Variants in IGSF21 observed in about 807,000 individuals in gnomAD.
IGSF21 encodes the protein immunoglobulin superfamily member 21.
In IGSF21, 28 loss-of-function variants were observed where a neutral mutation model predicts 46.8. That is an observed-to-expected ratio of 0.60 (90% CI 0.44 to 0.82). IGSF21 has a LOEUF of 0.82. Ranked by LOEUF, IGSF21 falls within the 40% of genes least tolerant of loss-of-function variation. IGSF21 has a pLI of 0.00. For synonymous variants in IGSF21, 284 were observed against 273.6 expected (o/e 1.04, Z -0.38); for missense variants, 624 against 665.5 (o/e 0.94, Z 0.69).
At chr1:18,125,038 T>G (rs1284058845) in intron 1 of IGSF21, among the ~76,000 whole-genome samples, 1 of 151,984 alleles carries the variant, frequency 6.6e-6, no homozygotes, top group Non-Finnish European at 1.5e-5. Context: ...AGAGAGAAAC[T>G]ACTGTGCAAC....
chr1:18,313,973 T>A (rs1452746239), intron 3 of IGSF21, among the ~76,000 whole-genome samples: 2 of 152,220 alleles, frequency 1.3e-5, no homozygotes, highest in East Asian at 3.8e-4. Flanking sequence ...TTGGCTCTGA[T>A]CAAATTAGGC....
intron 3 of IGSF21, among the ~76,000 whole-genome samples, chr1:18,320,314 G>T (rs533549927): frequency 6.6e-6 from 1 of 150,740 alleles, no homozygotes; most frequent in African/African-American, 2.4e-5. Flanking sequence ...GACCTTCCCC[G>T]CCTTCAGCAC....
chr1:18,152,170 A>C (rs1326661616), intron 1 of IGSF21, among the ~76,000 whole-genome samples: 1 of 152,246 alleles, frequency 6.6e-6, no homozygotes, highest in Non-Finnish European at 1.5e-5. Context: ...ACTGTCTCAC[A>C]GATTCCTTTT....
intron 2 of IGSF21, among the ~76,000 whole-genome samples, chr1:18,245,883 C>G (rs1031019357): frequency 6.6e-6 from 1 of 152,214 alleles, no homozygotes; most frequent in African/African-American, 2.4e-5. Flanking sequence ...CATTAACCCT[C>G]AGGTCAGGCT....
chr1:18,252,056 T>TTG lies in IGSF21; in HGVS notation c.183+24047_183+24048insGT, dbSNP rs538681794. Among the ~76,000 whole-genome samples, 42 of 136,374 alleles carry TTG rather than the reference T, an allele frequency of 3.1e-4. No individual in the cohort carries two copies. The East Asian group carries it at 8.3e-3, about 27-fold the overall frequency. The allele number at this position is 136,374 out of a possible 152,430, so 89.5% of individuals were successfully genotyped here. On this transcript the variant is annotated intron_variant, in intron 2 of 9. Transcript: ENST00000251296. ...TTTCTGACCAAGGCGTTTTTTTTTT[T>TTG]TTTTTTTTTTTTGAGATGGAGTCTC...
chr1:18,161,256 C>G (rs2086619505), intron 1 of IGSF21, among the ~76,000 whole-genome samples: 1 of 152,168 alleles, frequency 6.6e-6, no homozygotes, highest in African/African-American at 2.4e-5. Flanking sequence ...GGAAAGCCAG[C>G]ATTCACACAA....
At position 18,336,413 on chromosome 1, in the gene IGSF21, A is replaced by G. The variant is rs542452980; in HGVS notation, c.424+1403A>G. On this transcript the variant is annotated intron_variant, in intron 4 of 9. Coordinates refer to ENST00000251296, the MANE Select transcript of IGSF21 (RefSeq NM_032880.5). The stretch of plus-strand genomic sequence containing the variant: ...AACCAATCCAAGGGTACGTGCTAGC[A>G]TTAAGTCCATTTTGCAGATGCAGAA... 1.3e-3 allele frequency among the ~76,000 whole-genome samples: 194 copies of G among 152,314 alleles called. 1 individual carries two copies. The highest frequency in any genetic ancestry group is 4.4e-3 in the African/African-American group (181 of 41,572).
At chr1:18,330,436 A>C (rs1454509619) in intron 3 of IGSF21, among the ~76,000 whole-genome samples, 1 of 152,162 alleles carries the variant, frequency 6.6e-6, no homozygotes, top group African/African-American at 2.4e-5. Flanking sequence ...CCAAAATACA[A>C]ATTTTATTTT....
rs2085268834 is a variant in IGSF21, at chr1:18,291,721, G to A, written c.184-145G>A. On this transcript the variant is annotated intron_variant, in intron 2 of 9. Coordinates refer to ENST00000251296, the MANE Select transcript of IGSF21 (RefSeq NM_032880.5). ...CAACTTAAAACATCGCTGCCTCCAGGAAGCCCTCGGTTATTACCTTATTCT... is the reference window on the plus strand; with the variant it reads ...CAACTTAAAACATCGCTGCCTCCAGAAAGCCCTCGGTTATTACCTTATTCT... The A allele has an allele frequency of 3.1e-6, 3 of 959,996 alleles. No homozygotes were observed. In the East Asian group the frequency reaches 7.6e-5, roughly 24 times the overall value. The allele number at this position is 959,996 out of a possible 1,614,324, so 59.5% of individuals were successfully genotyped here.
At chr1:18,235,719 C>G (rs182324295) in intron 2 of IGSF21, among the ~76,000 whole-genome samples, 1 of 152,124 alleles carries the variant, frequency 6.6e-6, no homozygotes, top group Non-Finnish European at 1.5e-5. Flanking sequence ...TGGAGTTATT[C>G]TAAGGGCACC....
At chr1:18,349,045 C>T (rs2085923664) in intron 4 of IGSF21, among the ~76,000 whole-genome samples, 1 of 152,212 alleles carries the variant, frequency 6.6e-6, no homozygotes, top group African/African-American at 2.4e-5. Flanking sequence ...CACTGAGTGC[C>T]AGGCATTATA....
At chr1:18,148,068 T>C (rs985192983) in intron 1 of IGSF21, among the ~76,000 whole-genome samples, 5 of 152,016 alleles carry the variant, frequency 3.3e-5, no homozygotes, top group African/African-American at 1.2e-4. Context: ...TCCCCAGCCC[T>C]GTGGAACTGT....
intron 6 of IGSF21, among the ~76,000 whole-genome samples, chr1:18,370,036 T>C (rs1448523383): frequency 2.0e-5 from 3 of 152,174 alleles, no homozygotes; most frequent in African/African-American, 7.2e-5. Context: ...CATTAAGCCC[T>C]GGCAGCTCAA....
chr1:18,344,946 G>A (rs2085878180), intron 4 of IGSF21, among the ~76,000 whole-genome samples: 1 of 152,218 alleles, frequency 6.6e-6, no homozygotes, highest in African/African-American at 2.4e-5. Context: ...AGGCTGCAGA[G>A]GGAGGCATGG....
chr1:18,213,292 A>G (rs1399579339), intron 1 of IGSF21, among the ~76,000 whole-genome samples: 1 of 152,218 alleles, frequency 6.6e-6, no homozygotes, highest in East Asian at 1.9e-4. Flanking sequence ...GGAATGTAAT[A>G]GTAGACTAAC....
chr1:18,231,560 G>A (rs2084625898), intron 2 of IGSF21, among the ~76,000 whole-genome samples: 1 of 152,162 alleles, frequency 6.6e-6, no homozygotes, highest in Admixed American at 6.5e-5. Flanking sequence ...CCTTGGTCTG[G>A]GTTGTCCAAT....
At chr1:18,279,803 A>G (rs2085140805) in intron 2 of IGSF21, among the ~76,000 whole-genome samples, 1 of 152,204 alleles carries the variant, frequency 6.6e-6, no homozygotes, top group Non-Finnish European at 1.5e-5. Context: ...CCAGCCTAGC[A>G]ATGTTTGCCG....
chr1:18,298,636 G>A (rs1483972138), intron 3 of IGSF21, among the ~76,000 whole-genome samples: 1 of 152,192 alleles, frequency 6.6e-6, no homozygotes, highest in East Asian at 1.9e-4. Context: ...GGGAGAGCTG[G>A]AGTAAATGAA....
intron 4 of IGSF21, among the ~76,000 whole-genome samples, chr1:18,358,698 G>A (rs1464685535): frequency 6.6e-6 from 1 of 152,208 alleles, no homozygotes; most frequent in Non-Finnish European, 1.5e-5. Flanking sequence ...AAAACACTTT[G>A]CAGGCACTAC....
Sources: gnomAD v4.1 joint callset for allele counts (sites outside exome capture counted in the v4.1 genomes callset) on GRCh38, gnomAD v4.1.1 for gene constraint, MANE v1.5 for transcripts, NCBI Gene and HGNC (gene_info 2026-07-23, HGNC 2026-07-21) for gene names.